Variants in XNDC1N observed in about 807,000 individuals in gnomAD.
XNDC1N encodes the protein XRCC1 N-terminal domain containing 1, N-terminal like.
the XNDC1N span, among the ~76,000 whole-genome samples, chr11:71,901,169 C>CT: frequency 6.6e-6 from 1 of 152,124 alleles, no homozygotes; most frequent in African/African-American, 2.4e-5. Flanking sequence ...CTGTTCCTGG[C>CT]TTTCTGTACA....
the XNDC1N span, among the ~76,000 whole-genome samples, chr11:71,870,121 AC>A: frequency 1.3e-5 from 2 of 150,376 alleles, no homozygotes; most frequent in Non-Finnish European, 2.9e-5. Context: ...GAGCTCACTC[AC>A]TGGGGAAGCA....
At chr11:71,877,136 C>A in the XNDC1N span, among the ~76,000 whole-genome samples, 1 of 152,210 alleles carries the variant, frequency 6.6e-6, no homozygotes, top group Non-Finnish European at 1.5e-5. Context: ...TCTCTAAAGG[C>A]AGGGAGGACC....
the XNDC1N span, among the ~76,000 whole-genome samples, chr11:71,900,481 A>G: frequency 6.6e-6 from 1 of 151,934 alleles, no homozygotes; most frequent in Non-Finnish European, 1.5e-5. Flanking sequence ...CCAATGTGCA[A>G]ACTGTCCGCT....
the XNDC1N span, among the ~76,000 whole-genome samples, chr11:71,910,283 G>A: frequency 1.3e-5 from 2 of 152,202 alleles, no homozygotes; most frequent in Admixed American, 1.3e-4. Flanking sequence ...CATTGTTGGG[G>A]TTGCTGCCAG....
At chr11:71,885,812 C>G in the XNDC1N span, among the ~76,000 whole-genome samples, 1 of 151,784 alleles carries the variant, frequency 6.6e-6, no homozygotes, top group East Asian at 1.9e-4. Context: ...GCTAATATTA[C>G]TGTTTTCTAA....
the XNDC1N span, among the ~76,000 whole-genome samples, chr11:71,896,865 A>G: frequency 6.6e-6 from 1 of 152,144 alleles, no homozygotes; most frequent in Admixed American, 6.5e-5. Flanking sequence ...CGGCCGGCCC[A>G]TGCTGTATCC....
At chr11:71,916,204 A>C in the XNDC1N span, 1 of 702,968 alleles carries the variant, frequency 1.4e-6, no homozygotes, top group Non-Finnish European at 2.6e-6. Flanking sequence ...GGAGCAGGTC[A>C]GGCGAAGTCG....
At chr11:71,866,619 C>A in the XNDC1N span, among the ~76,000 whole-genome samples, 1 of 152,066 alleles carries the variant, frequency 6.6e-6, no homozygotes, top group Non-Finnish European at 1.5e-5. Flanking sequence ...CAAAAATTAG[C>A]CAGGCATGGT....
chr11:71,870,832 A>G, the XNDC1N span, among the ~76,000 whole-genome samples: 3 of 152,226 alleles, frequency 2.0e-5, no homozygotes, highest in Admixed American at 6.5e-5. Flanking sequence ...CCACAATGAG[A>G]TATCACCTCA....
At chr11:71,916,193 G>A in the XNDC1N span, 33 of 702,914 alleles carry the variant, frequency 4.7e-5, no homozygotes, top group African/African-American at 3.7e-4. Context: ...GTGAAGGGTC[G>A]GGAGCAGGTC....
At chr11:71,910,389 G>A in the XNDC1N span, among the ~76,000 whole-genome samples, 39 of 152,300 alleles carry the variant, frequency 2.6e-4, no homozygotes, top group East Asian at 4.4e-3. Context: ...CTTTCAGTGG[G>A]AAGATCCGGA....
the XNDC1N span, among the ~76,000 whole-genome samples, chr11:71,877,881 A>G: frequency 2.6e-5 from 4 of 152,192 alleles, no homozygotes; most frequent in Admixed American, 6.5e-5. Context: ...CATATTACAT[A>G]TAACTGATGT....
chr11:71,923,761 T>C, the XNDC1N span, among the ~76,000 whole-genome samples: 1 of 152,122 alleles, frequency 6.6e-6, no homozygotes, highest in South Asian at 2.1e-4. Flanking sequence ...TTCACCGTGT[T>C]AGCCAGGATG....
chr11:71,868,439 C>A, the XNDC1N span, among the ~76,000 whole-genome samples: 1 of 152,188 alleles, frequency 6.6e-6, no homozygotes, highest in Non-Finnish European at 1.5e-5. Flanking sequence ...ATATTTAGCA[C>A]TCCCTTAAGG....
At chr11:71,900,913 T>A in the XNDC1N span, among the ~76,000 whole-genome samples, 126 of 152,298 alleles carry the variant, frequency 8.3e-4, no homozygotes, top group Non-Finnish European at 1.6e-3. Flanking sequence ...CCAGTCAGTC[T>A]AAGTCCAGAC....
the XNDC1N span, among the ~76,000 whole-genome samples, chr11:71,896,059 C>A: frequency 6.6e-6 from 1 of 152,222 alleles, no homozygotes; most frequent in Non-Finnish European, 1.5e-5. Flanking sequence ...ACACAGATCA[C>A]TTGAGTCCAG....
the XNDC1N span, among the ~76,000 whole-genome samples, chr11:71,874,466 T>C: frequency 6.6e-6 from 1 of 152,218 alleles, no homozygotes; most frequent in Non-Finnish European, 1.5e-5. Context: ...ACTAGGTACA[T>C]GAGCCCATCA....
At chr11:71,925,656 C>T in the XNDC1N span, among the ~76,000 whole-genome samples, 114 of 152,088 alleles carry the variant, frequency 7.5e-4, no homozygotes, top group African/African-American at 2.6e-3. Flanking sequence ...GAGCCAGGCG[C>T]GGTGGCTCAC....
chr11:71,874,783 G>A, the XNDC1N span, among the ~76,000 whole-genome samples: 1 of 152,134 alleles, frequency 6.6e-6, no homozygotes, highest in African/African-American at 2.4e-5. Context: ...AACTGATGGA[G>A]TGATTTTACT....
Sources: allele counts gnomAD v4.1 joint callset (sites outside exome capture counted in the v4.1 genomes callset), GRCh38; gene constraint gnomAD v4.1.1; transcripts MANE v1.5; gene names NCBI Gene and HGNC (gene_info 2026-07-23, HGNC 2026-07-21).